Variants in NRXN3 observed in about 807,000 individuals in gnomAD.
The protein encoded by NRXN3 is neurexin 3.
Under a neutral mutation model 137.6 loss-of-function variants are expected in NRXN3, and 32 were observed. That is an observed-to-expected ratio of 0.23 (90% CI 0.18 to 0.31). The LOEUF is 0.31. Among genes scored for constraint, NRXN3 ranks in the 10% least tolerant of loss-of-function variants. The pLI, the probability that NRXN3 is intolerant of heterozygous loss-of-function variation, is 1.00. For missense variants in NRXN3, 1,574 were observed against 2,062.5 expected, an observed-to-expected ratio of 0.76 and a Z score of 4.59; for synonymous variants, 798 against 784.5, an observed-to-expected ratio of 1.02 and a Z score of -0.29.
At chr14:78,695,880 C>T (rs919561656) in intron 6 of NRXN3, 1 of 152,048 alleles carries the variant, frequency 6.6e-6, no homozygotes, top group African/African-American at 2.4e-5. Context: ...AGAGCAGGGA[C>T]TTCACCAATG....
intron 14 of NRXN3, 101 bp downstream of exon 14, chr14:78,968,447 T>C: frequency 1.9e-6 from 2 of 1,046,338 alleles, no homozygotes; most frequent in Non-Finnish European, 1.4e-6. Context: ...ACCAGTCCTG[T>C]CTCATTCTCA....
At chr14:79,781,837 AT>A (rs2099114907) in intron 19 of NRXN3, among the ~76,000 whole-genome samples, 1 of 152,198 alleles carries the variant, frequency 6.6e-6, no homozygotes, top group African/African-American at 2.4e-5. Context: ...GGGGCTACTT[AT>A]CAAAATCTAT....
intron 15 of NRXN3, among the ~76,000 whole-genome samples, chr14:79,124,215 G>C (rs1281226795): frequency 6.6e-6 from 1 of 152,176 alleles, no homozygotes; most frequent in Non-Finnish European, 1.5e-5. Context: ...CAAGCTAAAT[G>C]AAATGAGGTA....
intron 2 of NRXN3, among the ~76,000 whole-genome samples, chr14:78,249,443 C>T (rs2068237553): frequency 6.6e-6 from 1 of 152,188 alleles, no homozygotes. Flanking sequence ...TCTGGGGCAG[C>T]TGTCCTTCAG....
intron 15 of NRXN3, among the ~76,000 whole-genome samples, chr14:79,302,307 A>C (rs2085272118): frequency 6.6e-6 from 1 of 152,044 alleles, no homozygotes; most frequent in Non-Finnish European, 1.5e-5. Context: ...GTAATTTATT[A>C]GAAAAAGAGG....
chr14:78,353,661 C>T (rs1238452760), intron 4 of NRXN3, among the ~76,000 whole-genome samples: 1 of 152,138 alleles, frequency 6.6e-6, no homozygotes, highest in Non-Finnish European at 1.5e-5. Flanking sequence ...AAATGTATAT[C>T]CCTTCCTCTG....
At chr14:79,387,573 T>C (rs976528821) in intron 15 of NRXN3, among the ~76,000 whole-genome samples, 3 of 152,146 alleles carry the variant, frequency 2.0e-5, no homozygotes, top group Non-Finnish European at 4.4e-5. Flanking sequence ...GAACTAGAAA[T>C]ACCATTTGAC....
chr14:79,639,217 G>T (rs2098420455), intron 16 of NRXN3, among the ~76,000 whole-genome samples: 1 of 152,128 alleles, frequency 6.6e-6, no homozygotes, highest in Admixed American at 6.5e-5. Flanking sequence ...TAGCAATTAT[G>T]ACTTTTTTAA....
At chr14:79,539,674 A>G (rs188955982) in intron 16 of NRXN3, among the ~76,000 whole-genome samples, 1 of 152,312 alleles carries the variant, frequency 6.6e-6, no homozygotes, top group East Asian at 1.9e-4. Flanking sequence ...GAAAAGATGG[A>G]TAACATAATC....
At chr14:79,112,422 G>A (rs1327868182) in intron 15 of NRXN3, among the ~76,000 whole-genome samples, 5 of 152,324 alleles carry the variant, frequency 3.3e-5, no homozygotes, top group Admixed American at 6.5e-5. Context: ...GTGGACAATA[G>A]ATCTTTCAAA....
chr14:78,694,369 T>G (rs1434419595), intron 6 of NRXN3, among the ~76,000 whole-genome samples: 1 of 151,978 alleles, frequency 6.6e-6, no homozygotes, highest in African/African-American at 2.4e-5. Flanking sequence ...CCAATGACTC[T>G]TTTCTGCTTG....
chr14:78,658,420 T>C (rs1051221653), intron 6 of NRXN3, among the ~76,000 whole-genome samples: 7 of 152,204 alleles, frequency 4.6e-5, no homozygotes, highest in Non-Finnish European at 8.8e-5. Flanking sequence ...CAAAACACTA[T>C]ACAAAGGTTA....
intron 15 of NRXN3, among the ~76,000 whole-genome samples, chr14:79,196,436 A>G (rs1284365722): frequency 6.6e-6 from 1 of 152,226 alleles, no homozygotes; most frequent in Non-Finnish European, 1.5e-5. Context: ...ACTCAATTTT[A>G]TAACCAACTC....
chr14:79,366,184 A>G (rs2093886554), intron 15 of NRXN3, among the ~76,000 whole-genome samples: 2 of 152,136 alleles, frequency 1.3e-5, no homozygotes, highest in African/African-American at 4.8e-5. Context: ...TTTTTTAATT[A>G]TGGGTACATA....
At chr14:79,812,622 T>C (rs1182384571) in intron 20 of NRXN3, among the ~76,000 whole-genome samples, 2 of 152,150 alleles carry the variant, frequency 1.3e-5, no homozygotes, top group Non-Finnish European at 2.9e-5. Context: ...TTTATTACGA[T>C]TGAAGAATTA....
At chr14:79,240,648 T>C (rs181157190) in intron 15 of NRXN3, among the ~76,000 whole-genome samples, 175 of 152,296 alleles carry the variant, frequency 1.1e-3, no homozygotes, top group African/African-American at 4.1e-3. Flanking sequence ...TTGTGGCATC[T>C]TTGGCTGCCC....
At chr14:79,483,684 G>A (rs2096628734) in intron 16 of NRXN3, among the ~76,000 whole-genome samples, 1 of 152,120 alleles carries the variant, frequency 6.6e-6, no homozygotes, top group South Asian at 2.1e-4. Context: ...AGAAGGCTTT[G>A]TGTGCACTGT....
chr14:79,280,516 T>C (rs1295954896), intron 15 of NRXN3: 1 of 1,612,866 alleles, frequency 6.2e-7, no homozygotes, highest in Non-Finnish European at 8.5e-7. Flanking sequence ...ATCGTTCCCC[T>C]GTTTCCCTTC....
chr14:78,693,760 C>A (rs548231292), intron 6 of NRXN3, among the ~76,000 whole-genome samples: 2 of 144,266 alleles, frequency 1.4e-5, no homozygotes, highest in South Asian at 4.7e-4. Flanking sequence ...CCAGATTAAT[C>A]TTTTATATAA....
Sources: allele counts gnomAD v4.1 joint callset (sites outside exome capture counted in the v4.1 genomes callset), GRCh38; gene constraint gnomAD v4.1.1; transcripts MANE v1.5; gene names NCBI Gene and HGNC (gene_info 2026-07-23, HGNC 2026-07-21).